NALF1: variants seen among roughly 807,000 people sequenced by gnomAD.
NALF1 encodes family with sequence similarity 155 member A.
A neutral mutation model predicts 48.4 loss-of-function variants in NALF1; 3 were observed. The observed-to-expected ratio is 0.06, with a 90% CI of 0.03 to 0.16. The LOEUF is 0.16. NALF1 is among the 10% of genes least tolerant of loss of function. NALF1 has a pLI of 1.00. For missense variants in NALF1, 526 were observed against 571.5 expected, an observed-to-expected ratio of 0.92 and a Z score of 0.81; for synonymous variants, 262 against 245.7, an observed-to-expected ratio of 1.07 and a Z score of -0.62.
At chr13:107,518,756 A>T (rs16970496) in intron 1 of NALF1, among the ~76,000 whole-genome samples, 3,626 of 152,256 alleles carry the variant, frequency 0.024, 138 homozygotes, top group African/African-American at 0.082. Context: ...ACTTATTTGG[A>T]CATTCAGGAA....
intron 1 of NALF1, among the ~76,000 whole-genome samples, chr13:107,771,803 C>G (rs578261790): frequency 6.6e-6 from 1 of 152,234 alleles, no homozygotes; most frequent in South Asian, 2.1e-4. Flanking sequence ...GTGGCGCGAT[C>G]TCGGCTCACT....
intron 1 of NALF1, among the ~76,000 whole-genome samples, chr13:107,571,437 T>G (rs1877984336): frequency 6.6e-6 from 1 of 152,074 alleles, no homozygotes; most frequent in South Asian, 2.1e-4. Context: ...CCCTAAATAA[T>G]GGGGTTTGGA....
At chr13:107,465,976 CT>C (rs947759289) in intron 1 of NALF1, 3 of 152,936 alleles carry the variant, frequency 2.0e-5, no homozygotes, top group African/African-American at 4.8e-5. Flanking sequence ...ATACCTGAGA[CT>C]GGGAAATTTA....
At chr13:107,752,299 C>T (rs763928292) in intron 1 of NALF1, among the ~76,000 whole-genome samples, 3 of 151,974 alleles carry the variant, frequency 2.0e-5, no homozygotes, top group African/African-American at 7.2e-5. Flanking sequence ...AATAAGATAA[C>T]GTTCTTTATT....
intron 1 of NALF1, among the ~76,000 whole-genome samples, chr13:107,828,023 T>A (rs553541351): frequency 6.6e-6 from 1 of 152,324 alleles, no homozygotes; most frequent in East Asian, 1.9e-4. Context: ...ACTTCTACCC[T>A]GAAGCTGGCT....
chr13:107,719,691 C>A (rs1875927813), intron 1 of NALF1, among the ~76,000 whole-genome samples: 1 of 152,056 alleles, frequency 6.6e-6, no homozygotes, highest in Admixed American at 6.5e-5. Flanking sequence ...TAATGGTGTG[C>A]TACCTTGGGA....
chr13:107,588,144 C>T (rs1878508719), intron 1 of NALF1, among the ~76,000 whole-genome samples: 1 of 152,146 alleles, frequency 6.6e-6, no homozygotes, highest in Non-Finnish European at 1.5e-5. Flanking sequence ...CATGGTGACA[C>T]CATCCAAGAG....
At position 107,794,504 on chromosome 13, in the gene NALF1, T is replaced by G. The variant is rs1878352710; in HGVS notation, c.915+71178A>C. On this transcript the variant is annotated intron_variant, in intron 1 of 2. Coordinates refer to ENST00000375915, the MANE Select transcript of NALF1 (RefSeq NM_001080396.3). ...TTTTTATTGCAGGAATTATAATGCT[T>G]AACAATATGTCAAAATATTATATTA... Among the ~76,000 whole-genome samples, 4 of 150,900 alleles carry G rather than the reference T, an allele frequency of 2.7e-5. No individual in the cohort carries two copies. In the South Asian group the frequency reaches 8.4e-4, roughly 32 times the overall value.
intron 2 of NALF1, among the ~76,000 whole-genome samples, chr13:107,204,490 T>G (rs1041012616): frequency 3.9e-5 from 6 of 152,258 alleles, no homozygotes; most frequent in African/African-American, 1.4e-4. Flanking sequence ...TCCTAATTCC[T>G]CCTCTATTCC....
At chr13:107,656,452 A>T (rs1268105858) in intron 1 of NALF1, among the ~76,000 whole-genome samples, 1 of 152,188 alleles carries the variant, frequency 6.6e-6, no homozygotes, top group Non-Finnish European at 1.5e-5. Context: ...TCGAAACCAC[A>T]ATGCGATACC....
intron 1 of NALF1, among the ~76,000 whole-genome samples, chr13:107,404,412 G>GA (rs901261959): frequency 2.7e-4 from 41 of 151,228 alleles, no homozygotes; most frequent in Admixed American, 7.9e-4. Flanking sequence ...GTTTATATTT[G>GA]AAAAAAAATA....
chr13:107,717,609 G>A (rs545642910), intron 1 of NALF1, among the ~76,000 whole-genome samples: 3 of 148,250 alleles, frequency 2.0e-5, no homozygotes. Flanking sequence ...TAATCAAGAG[G>A]TGAAAAAAAA....
intron 1 of NALF1, among the ~76,000 whole-genome samples, chr13:107,541,476 G>T (rs1876997173): frequency 6.6e-6 from 1 of 152,096 alleles, no homozygotes; most frequent in African/African-American, 2.4e-5. Flanking sequence ...AGTTTAAAAA[G>T]AGAAAGAGAA....
chr13:107,281,953 T>G (rs1471339994), intron 1 of NALF1, among the ~76,000 whole-genome samples: 1 of 152,100 alleles, frequency 6.6e-6, no homozygotes, highest in African/African-American at 2.4e-5. Context: ...GTCTCTCCTT[T>G]AAAACGTGGG....
intron 1 of NALF1, among the ~76,000 whole-genome samples, chr13:107,250,971 C>A (rs2138844220): frequency 6.6e-6 from 1 of 152,232 alleles, no homozygotes; most frequent in African/African-American, 2.4e-5. Context: ...GAGGCCTCCC[C>A]AGCCATGCCT....
At chr13:107,776,989 G>A (rs1877751967) in intron 1 of NALF1, among the ~76,000 whole-genome samples, 1 of 152,086 alleles carries the variant, frequency 6.6e-6, no homozygotes, top group Admixed American at 6.5e-5. Flanking sequence ...CTGCTTGGGA[G>A]ACTGAGGGGG....
intron 1 of NALF1, among the ~76,000 whole-genome samples, chr13:107,453,428 G>GA (rs1884775065): frequency 6.6e-6 from 1 of 152,202 alleles, no homozygotes; most frequent in African/African-American, 2.4e-5. Context: ...TACAACCTCT[G>GA]AAGCCATGGC....
At chr13:107,213,832 G>A (rs1337461408) in intron 1 of NALF1, among the ~76,000 whole-genome samples, 3 of 152,184 alleles carry the variant, frequency 2.0e-5, no homozygotes, top group Non-Finnish European at 4.4e-5. Context: ...TGTGAAGAAC[G>A]GAGAATACCT....
At chr13:107,516,038 CT>C (rs1876038911) in intron 1 of NALF1, among the ~76,000 whole-genome samples, 1 of 152,148 alleles carries the variant, frequency 6.6e-6, no homozygotes, top group South Asian at 2.1e-4. Flanking sequence ...GATGGACTAA[CT>C]CAGTGGTTCT....
Sources: gnomAD v4.1 joint callset for allele counts (sites outside exome capture counted in the v4.1 genomes callset) on GRCh38, gnomAD v4.1.1 for gene constraint, MANE v1.5 for transcripts, NCBI Gene and HGNC (gene_info 2026-07-23, HGNC 2026-07-21) for gene names.